FHOD3: variants seen among roughly 807,000 people sequenced by gnomAD.
The protein encoded by FHOD3 is formin homology 2 domain containing 3.
FHOD3 carries 90 observed loss-of-function variants against 173.0 expected under a neutral mutation model. That is an observed-to-expected ratio of 0.52 (90% confidence interval 0.44 to 0.62). The LOEUF (loss-of-function observed/expected upper bound fraction) is 0.62. FHOD3 is among the 20% of genes least tolerant of loss of function. FHOD3 has a pLI of 0.00. For missense variants in FHOD3, 1,945 were observed against 2,034.7 expected, an observed-to-expected ratio of 0.96 and a Z score of 0.85; for synonymous variants, 828 against 823.0, an observed-to-expected ratio of 1.01 and a Z score of -0.10.
At chr18:36,732,405 A>G (rs2041410791) in intron 20 of FHOD3, among the ~76,000 whole-genome samples, 1 of 152,204 alleles carries the variant, frequency 6.6e-6, no homozygotes, top group Admixed American at 6.5e-5. Flanking sequence ...CCCCTGTTCC[A>G]GGAACAGGTA....
At chr18:36,513,071 A>C (rs1365525806) in intron 5 of FHOD3, among the ~76,000 whole-genome samples, 1 of 152,142 alleles carries the variant, frequency 6.6e-6, no homozygotes, top group Admixed American at 6.6e-5. Context: ...TTATAAAGCG[A>C]TGCAAATGTA....
chr18:36,622,977 C>T (rs1401338105), intron 9 of FHOD3, among the ~76,000 whole-genome samples: 1 of 152,226 alleles, frequency 6.6e-6, no homozygotes, highest in Non-Finnish European at 1.5e-5. Context: ...CATGAGGCTA[C>T]CCTTGGGTCT....
chr18:36,578,740 G>C (rs2058745175), intron 6 of FHOD3, among the ~76,000 whole-genome samples: 1 of 152,156 alleles, frequency 6.6e-6, no homozygotes, highest in South Asian at 2.1e-4. Flanking sequence ...AGGCTTCTCA[G>C]AATCCTGGTG....
At chr18:36,325,286 T>A (rs1239964890) in intron 1 of FHOD3, among the ~76,000 whole-genome samples, 5,056 of 152,152 alleles carry the variant, frequency 0.033, 268 homozygotes, top group African/African-American at 0.11. Context: ...ATTCATTGAT[T>A]TATATAGCTT....
chr18:36,494,501 C>A (rs1208881508), intron 3 of FHOD3, among the ~76,000 whole-genome samples: 2 of 152,162 alleles, frequency 1.3e-5, no homozygotes, highest in Non-Finnish European at 2.9e-5. Context: ...AATGAGTATA[C>A]CCCAGGCAGA....
chr18:36,299,907 T>C (rs903205403), intron 1 of FHOD3, among the ~76,000 whole-genome samples: 2 of 152,230 alleles, frequency 1.3e-5, no homozygotes, highest in Admixed American at 6.5e-5. Flanking sequence ...AGCAACCGAC[T>C]TTATTGATGA....
chr18:36,709,242 CG>C lies in FHOD3; in HGVS notation c.2386del (p.Glu796LysfsTer16). On this transcript the variant is annotated frameshift_variant, in exon 18 of 29. Transcript: ENST00000590592. LOFTEE classifies it high-confidence loss of function. ...TEVEQALEQE[P>X]EERASLSEKE... ...GTGGAGCAGGCACTAGAGCAAGAGC[CG>C]GAAGAAAGAGCCTCCCTCAGTGAAA... 6.2e-7 allele frequency: 1 copy of C among 1,614,040 alleles called. No homozygotes were observed.
At chr18:36,597,627 C>T (rs1356822633) in intron 7 of FHOD3, among the ~76,000 whole-genome samples, 4 of 152,070 alleles carry the variant, frequency 2.6e-5, no homozygotes, top group African/African-American at 4.8e-5. Flanking sequence ...GGGCTTTCAC[C>T]GTTTTAGCCA....
intron 15 of FHOD3, among the ~76,000 whole-genome samples, chr18:36,682,708 A>G (rs751594945): frequency 6.6e-6 from 1 of 152,012 alleles, no homozygotes; most frequent in African/African-American, 2.4e-5. Flanking sequence ...TCAGCCTCCC[A>G]AGTAGCTGGA....
chr18:36,426,658 A>G (rs1192039417), intron 3 of FHOD3, among the ~76,000 whole-genome samples: 2 of 152,266 alleles, frequency 1.3e-5, no homozygotes, highest in Admixed American at 6.5e-5. Flanking sequence ...GCATGAAGGA[A>G]GGAACTAATG....
At chr18:36,535,913 T>C (rs777248447) in intron 5 of FHOD3, among the ~76,000 whole-genome samples, 27 of 152,202 alleles carry the variant, frequency 1.8e-4, no homozygotes, top group Non-Finnish European at 3.5e-4. Flanking sequence ...GGTACTTCTA[T>C]GATAAGAGAG....
chr18:36,443,815 C>A (rs78186797), intron 3 of FHOD3, among the ~76,000 whole-genome samples: 1,896 of 152,288 alleles, frequency 0.012, 28 homozygotes, highest in Non-Finnish European at 0.02. Flanking sequence ...TTTAATCTGA[C>A]CCCACAGACC....
rs554705998 is a variant in FHOD3 at position 36,719,149 on chromosome 18, A to G, written c.3417+434A>G. Among the ~76,000 whole-genome samples the G allele has an allele frequency of 2.6e-5, 4 of 152,358 alleles. No homozygotes were observed. In the South Asian group the frequency reaches 6.2e-4, roughly 24 times the overall value. On this transcript the variant is annotated intron_variant, in intron 19 of 28. Coordinates refer to ENST00000590592, the MANE Select transcript of FHOD3 (RefSeq NM_001281740.3). ...TTTGAACTTTATCTGTAACCACCCA[A>G]TAAGCTCAAAGGCAATAATCCAACT...
At chr18:36,752,995 A>G (rs1182848107) in intron 24 of FHOD3, among the ~76,000 whole-genome samples, 1 of 152,206 alleles carries the variant, frequency 6.6e-6, no homozygotes, top group Non-Finnish European at 1.5e-5. Context: ...ACAGCCAGGA[A>G]GAAAAAATAA....
intron 3 of FHOD3, among the ~76,000 whole-genome samples, chr18:36,446,211 C>T (rs1050105912): frequency 1.7e-4 from 26 of 152,294 alleles, no homozygotes; most frequent in African/African-American, 5.3e-4. Context: ...CCACGGCTGG[C>T]GCTCAGGGAT....
chr18:36,649,445 G>A (rs1440118586), intron 11 of FHOD3, 40 bp downstream of exon 11: 25 of 1,456,110 alleles, frequency 1.7e-5, no homozygotes, highest in Non-Finnish European at 2.1e-5. Flanking sequence ...CACTAAAAGT[G>A]GGAGACTCCT....
intron 5 of FHOD3, among the ~76,000 whole-genome samples, chr18:36,553,829 T>C (rs986936036): frequency 7.2e-5 from 11 of 152,264 alleles, no homozygotes; most frequent in Admixed American, 2.6e-4. Flanking sequence ...GGGCGAAGGA[T>C]ATGAACAGAC....
chr18:36,745,732 G>C (rs1463383124), intron 23 of FHOD3, among the ~76,000 whole-genome samples: 2 of 140,722 alleles, frequency 1.4e-5, no homozygotes, highest in Non-Finnish European at 3.1e-5. Flanking sequence ...CGTACCCTCT[G>C]TGCACCTCCC....
intron 6 of FHOD3, among the ~76,000 whole-genome samples, chr18:36,591,872 G>A (rs574642845): frequency 5.3e-5 from 8 of 152,288 alleles, no homozygotes; most frequent in African/African-American, 1.9e-4. Context: ...GCAGTGAGCT[G>A]TGCTTACACC....
Sources: gnomAD v4.1 joint callset for allele counts (sites outside exome capture counted in the v4.1 genomes callset) on GRCh38, gnomAD v4.1.1 for gene constraint, MANE v1.5 for transcripts, NCBI Gene and HGNC (gene_info 2026-07-23, HGNC 2026-07-21) for gene names.